The following CYTH3 variants were observed in gnomAD, a reference collection of about 807,000 sequenced individuals.
CYTH3 encodes the protein cytohesin 3, also known as cytohesin-3.
In CYTH3, 23 loss-of-function variants were observed where a neutral mutation model predicts 55.1. That is an observed-to-expected ratio of 0.42 (90% CI 0.30 to 0.59). The LOEUF is 0.59. Among genes scored for constraint, CYTH3 ranks in the 20% least tolerant of loss-of-function variants. The pLI, the probability that CYTH3 is intolerant of heterozygous loss-of-function variation, is 0.20. For missense variants in CYTH3, 413 were observed against 524.8 expected (o/e 0.79, Z 2.08); for synonymous variants, 249 against 194.9 (o/e 1.28, Z -2.31).
At chr7:6,267,568 T>A (rs1280152656) in intron 1 of CYTH3, among the ~76,000 whole-genome samples, 11 of 152,250 alleles carry the variant, frequency 7.2e-5, no homozygotes, top group African/African-American at 2.4e-4. Flanking sequence ...AGTCTCACTC[T>A]GTCGCCAGGC....
chr7:6,261,396 G>C (rs764108714), intron 1 of CYTH3, among the ~76,000 whole-genome samples: 25 of 152,268 alleles, frequency 1.6e-4, no homozygotes, highest in Admixed American at 1.0e-3. Flanking sequence ...GGGTAAACCA[G>C]AATAGACCAT....
chr7:6,237,915 G>A (rs774355521), intron 1 of CYTH3, among the ~76,000 whole-genome samples: 8 of 152,144 alleles, frequency 5.3e-5, no homozygotes, highest in Admixed American at 1.3e-4. Context: ...TGAGGAACAC[G>A]TGTGCAAGTA....
At chr7:6,186,189 A>C (rs1240362855) in intron 4 of CYTH3, among the ~76,000 whole-genome samples, 1 of 147,208 alleles carries the variant, frequency 6.8e-6, no homozygotes, top group African/African-American at 2.5e-5. Context: ...GCTTGCAGTG[A>C]GCCAAGATCG....
At chr7:6,266,736 A>C (rs1363071822) in intron 1 of CYTH3, among the ~76,000 whole-genome samples, 1 of 151,900 alleles carries the variant, frequency 6.6e-6, no homozygotes, top group Non-Finnish European at 1.5e-5. Context: ...CTCCCATCCC[A>C]CACTTTCTCT....
rs572121895 is a variant in CYTH3 at position 6,208,602 on chromosome 7, G to T, written c.35-18071C>A. 5.3e-5 allele frequency among the ~76,000 whole-genome samples: 8 copies of T among 152,304 alleles called. No homozygotes were observed. The South Asian group carries it at 1.7e-3, about 32-fold the overall frequency. On this transcript the variant is annotated intron_variant, in intron 1 of 12. Coordinates refer to ENST00000350796, the MANE Select transcript of CYTH3 (RefSeq NM_004227.4). ...ACTGTCACCCAGGTTGGGGGGCAAT[G>T]GCCCAATCATAGTTCACCACAGCCT... is the stretch of plus-strand genomic sequence containing the variant.
At chr7:6,203,863 C>T (rs1042792116) in intron 1 of CYTH3, among the ~76,000 whole-genome samples, 1 of 151,908 alleles carries the variant, frequency 6.6e-6, no homozygotes, top group Non-Finnish European at 1.5e-5. Flanking sequence ...GGACTACAGG[C>T]GCCTGCCACC....
rs114934335 is a variant in CYTH3 at position 6,182,107 on chromosome 7, G to A, written c.250-4166C>T. On this transcript the variant is annotated intron_variant, in intron 4 of 12. Coordinates refer to ENST00000350796, the MANE Select transcript of CYTH3 (RefSeq NM_004227.4). Reference sequence around the variant, plus strand: ...TTATCGCCCAGGCTGGAGTGCATTAGTGCAATCTAGGCTCACTGCAACCTC... The same window carrying A: ...TTATCGCCCAGGCTGGAGTGCATTAATGCAATCTAGGCTCACTGCAACCTC... Among the ~76,000 whole-genome samples the A allele has an allele frequency of 4.4e-3, 667 of 152,122 alleles. 2 individuals are homozygous for A. Among genetic ancestry groups the A allele is most frequent in the African/African-American group, 0.016 (644 of 41,482 alleles).
At chr7:6,165,203 C>A in intron 12 of CYTH3, 70 bp downstream of exon 12, 1 of 1,571,090 alleles carries the variant, frequency 6.4e-7, no homozygotes. Context: ...CATCCATGTT[C>A]CAGACCATCC....
At chr7:6,184,051 T>A (rs1783574377) in intron 4 of CYTH3, among the ~76,000 whole-genome samples, 1 of 64,122 alleles carries the variant, frequency 1.6e-5, no homozygotes, top group Non-Finnish European at 2.4e-5. Flanking sequence ...CTCTGTGGCT[T>A]TTTTTTTTTT....
At chr7:6,207,943 C>G (rs931525073) in intron 1 of CYTH3, among the ~76,000 whole-genome samples, 3 of 149,558 alleles carry the variant, frequency 2.0e-5, no homozygotes, top group African/African-American at 7.4e-5. Flanking sequence ...GAGCCAGACC[C>G]TGTCTTGGGG....
chr7:6,256,676 C>T (rs938344882), intron 1 of CYTH3, among the ~76,000 whole-genome samples: 3 of 152,194 alleles, frequency 2.0e-5, no homozygotes, highest in Non-Finnish European at 4.4e-5. Context: ...GTACTAACAG[C>T]AGCAGAACCC....
At chr7:6,272,039 G>C (rs1780674693) in intron 1 of CYTH3, among the ~76,000 whole-genome samples, 1 of 152,166 alleles carries the variant, frequency 6.6e-6, no homozygotes, top group African/African-American at 2.4e-5. Flanking sequence ...TCCCCTCCCG[G>C]TTTCCCACCG....
intron 1 of CYTH3, among the ~76,000 whole-genome samples, chr7:6,214,008 G>C (rs896955942): frequency 4.6e-5 from 7 of 152,180 alleles, no homozygotes; most frequent in African/African-American, 1.7e-4. Flanking sequence ...GACCTTGTAA[G>C]AGGAACTAGA....
At chr7:6,204,904 CCT>C (rs1188584058) in intron 1 of CYTH3, among the ~76,000 whole-genome samples, 2 of 152,200 alleles carry the variant, frequency 1.3e-5, no homozygotes, top group African/African-American at 4.8e-5. Context: ...GTGGCTCACG[CCT>C]GTAATTCCAG....
In CYTH3 at chr7:6,237,099, G is replaced by C. The variant is rs115772437; in HGVS notation, c.34+35375C>G. ...CAGCTCAAAGAATTCCTGATCAAAG[G>C]AGACAGCACTTAGAACCAGAGCAGC... On this transcript the variant is annotated intron_variant, in intron 1 of 12. Transcript: ENST00000350796. 6.2e-3 allele frequency among the ~76,000 whole-genome samples: 949 copies of C among 152,316 alleles called. 7 individuals are homozygous for C. Among genetic ancestry groups the C allele is most frequent in the African/African-American group, 0.022 (899 of 41,558 alleles).
intron 5 of CYTH3, among the ~76,000 whole-genome samples, chr7:6,176,520 C>T (rs2128539841): frequency 6.6e-6 from 1 of 152,202 alleles, no homozygotes; most frequent in African/African-American, 2.4e-5. Flanking sequence ...CTCGGCCTCC[C>T]AAAGCGCTGG....
At chr7:6,251,706 C>T (rs1779976104) in intron 1 of CYTH3, among the ~76,000 whole-genome samples, 1 of 152,016 alleles carries the variant, frequency 6.6e-6, no homozygotes, top group Admixed American at 6.6e-5. Context: ...TGACTGATGC[C>T]CTGAACCACG....
Position 6,165,636 on chromosome 7 carries a change from G to A in CYTH3, c.901-20C>T, listed in dbSNP as rs374575146. 90 of 1,613,380 alleles carry A rather than the reference G, an allele frequency of 5.6e-5. No homozygotes were observed. The Admixed American group carries it at 1.2e-3, about 22-fold the overall frequency. The stretch of plus-strand genomic sequence containing the variant: ...CTTATCCTACAAGAGGAAAGTACAC[G>A]GCGGGGCTCACTGTGGGTCACCAGC... On this transcript the variant is annotated intron_variant, in intron 10 of 12. Coordinates refer to ENST00000350796, the MANE Select transcript of CYTH3 (RefSeq NM_004227.4).
At chr7:6,189,703 G>A (rs1195008286) in intron 2 of CYTH3, among the ~76,000 whole-genome samples, 2 of 151,954 alleles carry the variant, frequency 1.3e-5, no homozygotes, top group African/African-American at 2.4e-5. Context: ...GCATCTGAGA[G>A]CCAAAAATGG....
Sources: allele counts gnomAD v4.1 joint callset (sites outside exome capture counted in the v4.1 genomes callset), GRCh38; gene constraint gnomAD v4.1.1; transcripts MANE v1.5; gene names NCBI Gene and HGNC (gene_info 2026-07-23, HGNC 2026-07-21).